The following ERGIC1 variants were observed in gnomAD, a reference collection of about 807,000 sequenced individuals.
ERGIC1 encodes the protein endoplasmic reticulum-Golgi intermediate compartment protein 1.
A neutral mutation model predicts 38.3 loss-of-function variants in ERGIC1; 19 were observed. That is an observed-to-expected ratio of 0.50 (90% CI 0.35 to 0.73). ERGIC1 has a LOEUF of 0.73. Ranked by LOEUF, ERGIC1 falls within the 30% of genes least tolerant of loss-of-function variation. The probability of loss-of-function intolerance (pLI) is 0.01; values close to 1 mark genes in which losing one functional copy is unlikely to be tolerated. For missense variants in ERGIC1, 294 were observed against 389.2 expected, an observed-to-expected ratio of 0.76 and a Z score of 2.06; for synonymous variants, 124 against 157.6, an observed-to-expected ratio of 0.79 and a Z score of 1.60.
In ERGIC1 at chr5:172,942,430, C is replaced by G. The variant is rs370004610; in HGVS notation, c.765+7120C>G. On this transcript the variant is annotated intron_variant, in intron 9 of 9. Coordinates refer to ENST00000393784, the MANE Select transcript of ERGIC1 (RefSeq NM_001031711.3). The stretch of plus-strand genomic sequence containing the variant: ...CCCTGGACCACAAGCACCAGGGAAG[C>G]TCCACGAGCTCCAGGTTTAGTCATC... Among the ~76,000 whole-genome samples, 53 of 152,234 alleles carry G rather than the reference C, an allele frequency of 3.5e-4. 2 individuals are homozygous for G. Among genetic ancestry groups the G allele is most frequent in the African/African-American group, 1.2e-3 (50 of 41,536 alleles).
intron 3 of ERGIC1, among the ~76,000 whole-genome samples, chr5:172,907,016 G>A (rs1383013950): frequency 6.6e-6 from 1 of 152,208 alleles, no homozygotes; most frequent in African/African-American, 2.4e-5. Context: ...AAACACAGCA[G>A]TGTGTCTGCA....
Position 172,834,886 on chromosome 5 carries a change from G to C in ERGIC1, c.20+453G>C, listed in dbSNP as rs936735839. ...TGGGGCCCCATGCAGCCTGCCGGCA[G>C]CTGGAGGGTTTTAAGTTTCTATAGC... On this transcript the variant is annotated intron_variant, in intron 1 of 9. Transcript: ENST00000393784. This position sits in a 1 kb window ranked among gnomAD's most constrained non-coding sequence, Gnocchi z 4.1. Among the ~76,000 whole-genome samples, 1 of 152,200 alleles carries C rather than the reference G, an allele frequency of 6.6e-6. No individual in the cohort carries two copies. Among genetic ancestry groups the C allele is most frequent in the African/African-American group, 2.4e-5 (1 of 41,456 alleles).
At chr5:172,876,094 T>C (rs1257918778) in intron 1 of ERGIC1, among the ~76,000 whole-genome samples, 1 of 152,200 alleles carries the variant, frequency 6.6e-6, no homozygotes, top group Non-Finnish European at 1.5e-5. Context: ...ACAACTGGCT[T>C]TCTTCTCTTT....
chr5:172,948,537 A>G (rs1220533806), intron 9 of ERGIC1, among the ~76,000 whole-genome samples: 1 of 152,066 alleles, frequency 6.6e-6, no homozygotes, highest in African/African-American at 2.4e-5. Flanking sequence ...ATGCCCCTTA[A>G]ATGTGGCATG....
In ERGIC1 at chr5:172,893,935, G is replaced by GTGTGTGTGTGTGTGTGTGTATA. The variant is rs1429850022; in HGVS notation, c.83-3066_83-3065insGTGTGTGTGTGTGTGTGTATAT. ...TGTGTGTGTGTGTGTGTGTGTGTGT[G>GTGTGTGTGTGTGTGTGTGTATA]TATATATATATATATATATTTAAAT... On this transcript the variant is annotated intron_variant, in intron 2 of 9. Coordinates refer to ENST00000393784, the MANE Select transcript of ERGIC1 (RefSeq NM_001031711.3). 3.2e-3 allele frequency among the ~76,000 whole-genome samples: 136 copies of GTGTGTGTGTGTGTGTGTGTATA among 42,752 alleles called. 1 individual carries two copies. Among genetic ancestry groups the GTGTGTGTGTGTGTGTGTGTATA allele is most frequent in the South Asian group, 7.8e-3 (9 of 1,154 alleles). The allele number at this position is 42,752 out of a possible 152,430, so 28.0% of individuals were successfully genotyped here. A position where few individuals can be genotyped will look rare whatever the true frequency, so the allele number is the denominator to read the frequency against.
chr5:172,935,458 G>A (rs1391549977), intron 9 of ERGIC1, 148 bp downstream of exon 9: 6 of 968,862 alleles, frequency 6.2e-6, no homozygotes, highest in South Asian at 3.2e-5. Flanking sequence ...AGGAGGCTTC[G>A]ACCCCAAGGA....
At chr5:172,852,109 CA>C (rs1367099387) in intron 1 of ERGIC1, among the ~76,000 whole-genome samples, 3 of 152,090 alleles carry the variant, frequency 2.0e-5, no homozygotes, top group African/African-American at 4.8e-5. Flanking sequence ...GGTGCATTGC[CA>C]GGGGCATTGC....
At chr5:172,914,462 T>G in intron 4 of ERGIC1, 2 of 578,958 alleles carry the variant, frequency 3.5e-6, no homozygotes, top group East Asian at 3.0e-5. Context: ...GGACCCAGAT[T>G]CAGAGGACCA....
chr5:172,842,024 G>T (rs1294237823), intron 1 of ERGIC1, among the ~76,000 whole-genome samples: 2 of 152,088 alleles, frequency 1.3e-5, no homozygotes, highest in African/African-American at 4.8e-5. Flanking sequence ...GTTATTTTTT[G>T]TGTGGTAAGA....
At chr5:172,937,933 G>A (rs1763922383) in intron 9 of ERGIC1, 1 of 151,786 alleles carries the variant, frequency 6.6e-6, no homozygotes, top group South Asian at 2.1e-4. Context: ...GGGAGGGAGA[G>A]GTTGCGGTGA....
rs572694103 is a variant in ERGIC1, at chr5:172,926,899, C to T, written c.541+330C>T. On this transcript the variant is annotated intron_variant, in intron 7 of 9. Transcript: ENST00000393784. This position sits in a 1 kb window ranked among gnomAD's most constrained non-coding sequence, Gnocchi z 5.2. ...TAATTACCTAAGATCCCACAGGGAG[C>T]TATGGCAGAACCAGGATCTGTTCTG... The T allele has an allele frequency of 1.9e-5, 6 of 313,096 alleles. No individual in the cohort carries two copies. In the East Asian group the frequency reaches 2.9e-4, roughly 15 times the overall value. 19.4% of individuals were successfully genotyped at this position (313,096 alleles called of 1,614,324 possible).
chr5:172,893,916 T>TATATATATATATATACACAC (rs1420718318), intron 2 of ERGIC1, among the ~76,000 whole-genome samples: 1 of 81,788 alleles, frequency 1.2e-5, no homozygotes, highest in Admixed American at 1.4e-4. Flanking sequence ...TGTGTGTGTG[T>TATATATATATATATACACAC]GTGTGTGTGT....
chr5:172,929,423 C>T (rs930526233), intron 7 of ERGIC1, among the ~76,000 whole-genome samples: 4 of 152,146 alleles, frequency 2.6e-5, no homozygotes, highest in Non-Finnish European at 5.9e-5. Flanking sequence ...CTGGCCTAGA[C>T]CAGGTTGGAG....
intron 1 of ERGIC1, among the ~76,000 whole-genome samples, chr5:172,879,252 G>A (rs750789105): frequency 2.0e-5 from 3 of 152,226 alleles, no homozygotes; most frequent in Non-Finnish European, 2.9e-5. Flanking sequence ...CATTTCCAGC[G>A]GCAGTTTCCT....
At chr5:172,937,671 AAAAT>A (rs1196700971) in intron 9 of ERGIC1, 2 of 151,772 alleles carry the variant, frequency 1.3e-5, no homozygotes, top group African/African-American at 4.8e-5. Flanking sequence ...CGGTCTCAGA[AAAAT>A]AAAAAAATTA....
At chr5:172,875,264 T>C (rs1762116870) in intron 1 of ERGIC1, among the ~76,000 whole-genome samples, 1 of 152,218 alleles carries the variant, frequency 6.6e-6, no homozygotes, top group South Asian at 2.1e-4. Context: ...AGCTTGCTTC[T>C]GGTGTTGGCT....
intron 5 of ERGIC1, chr5:172,915,406 T>C: frequency 7.4e-6 from 3 of 408,112 alleles, no homozygotes; most frequent in South Asian, 6.1e-5. Context: ...GCATCAGGGA[T>C]GCTAAGTGCA....
intron 1 of ERGIC1, among the ~76,000 whole-genome samples, chr5:172,880,815 C>A (rs1381640311): frequency 6.6e-6 from 1 of 152,230 alleles, no homozygotes; most frequent in Non-Finnish European, 1.5e-5. Context: ...TTGGGTTCTG[C>A]CCCAGCAGGG....
At chr5:172,896,785 C>T (rs556338565) in intron 2 of ERGIC1, among the ~76,000 whole-genome samples, 87 of 152,290 alleles carry the variant, frequency 5.7e-4, no homozygotes, top group African/African-American at 1.7e-3. Flanking sequence ...TTGCTCATGT[C>T]GGCAGGTTGA....
Sources: gnomAD v4.1 joint callset for allele counts (sites outside exome capture counted in the v4.1 genomes callset) on GRCh38, gnomAD v4.1.1 for gene constraint, Gnocchi (gnomAD v3.1) non-coding constraint, MANE v1.5 for transcripts, NCBI Gene and HGNC (gene_info 2026-07-23, HGNC 2026-07-21) for gene names.